Variants in ADGRL2 observed in about 807,000 individuals in gnomAD.
ADGRL2 encodes the protein calcium-independent alpha-latrotoxin receptor 2.
ADGRL2 carries 44 observed loss-of-function variants against 157.4 expected under a neutral mutation model. That is an observed-to-expected ratio of 0.28 (90% CI 0.22 to 0.36). The LOEUF is 0.36. Ranked by LOEUF, ADGRL2 falls within the 10% of genes least tolerant of loss-of-function variation. The probability of loss-of-function intolerance (pLI) is 1.00; values close to 1 mark genes in which losing one functional copy is unlikely to be tolerated. For synonymous variants in ADGRL2, 585 were observed against 624.7 expected (o/e 0.94, Z 0.95); for missense variants, 1,510 against 1,768.9 (o/e 0.85, Z 2.63).
intron 9 of ADGRL2, 115 bp from the exon 10 acceptor site, chr1:81,952,872 C>T: frequency 1.3e-6 from 1 of 756,682 alleles, no homozygotes. Flanking sequence ...CAGAGGACTA[C>T]TGCATATAAA....
intron 1 of ADGRL2, among the ~76,000 whole-genome samples, chr1:81,802,764 T>A (rs2088454569): frequency 6.6e-6 from 1 of 152,030 alleles, no homozygotes; most frequent in Non-Finnish European, 1.5e-5. Flanking sequence ...GCTGAGCGGC[T>A]GGAGCGAGTT....
At chr1:81,937,909 T>C (rs1416415800) in intron 4 of ADGRL2, among the ~76,000 whole-genome samples, 1 of 151,876 alleles carries the variant, frequency 6.6e-6, no homozygotes, top group African/African-American at 2.4e-5. Context: ...CTGTGTCCGA[T>C]ATGGTAGTAA....
At chr1:81,973,982 A>G (rs1458858702) in intron 17 of ADGRL2, among the ~76,000 whole-genome samples, 1 of 152,200 alleles carries the variant, frequency 6.6e-6, no homozygotes, top group Non-Finnish European at 1.5e-5. Flanking sequence ...TAAGACATGT[A>G]AACTCAATTC....
intron 1 of ADGRL2, chr1:81,427,474 T>A: frequency 1.3e-6 from 1 of 754,444 alleles, no homozygotes; most frequent in Middle Eastern, 3.6e-4. Context: ...CTATAATGAT[T>A]TTGGAAATTA....
chr1:81,822,684 T>C (rs1353837874), intron 1 of ADGRL2, among the ~76,000 whole-genome samples: 2 of 152,056 alleles, frequency 1.3e-5, no homozygotes, highest in African/African-American at 2.4e-5. Flanking sequence ...TGTAACACAG[T>C]TTTTATTTAA....
intron 11 of ADGRL2, among the ~76,000 whole-genome samples, chr1:81,961,075 A>G (rs1217370442): frequency 2.6e-5 from 4 of 152,180 alleles, no homozygotes; most frequent in Non-Finnish European, 5.9e-5. Flanking sequence ...CTACTTGCTG[A>G]GGAATTTGCA....
intron 1 of ADGRL2, among the ~76,000 whole-genome samples, chr1:81,364,511 T>A (rs1487379076): frequency 9.4e-6 from 1 of 106,166 alleles, no homozygotes; most frequent in African/African-American, 2.7e-5. Flanking sequence ...GTAAAAACAG[T>A]TCTTTTGAAT....
At chr1:81,424,926 A>G (rs906258492) in intron 1 of ADGRL2, among the ~76,000 whole-genome samples, 2 of 152,214 alleles carry the variant, frequency 1.3e-5, no homozygotes, top group Non-Finnish European at 2.9e-5. Flanking sequence ...TATTATTTGA[A>G]GACCCGCTAT....
intron 2 of ADGRL2, among the ~76,000 whole-genome samples, chr1:81,541,907 G>A (rs1570442023): frequency 6.6e-6 from 1 of 152,072 alleles, no homozygotes; most frequent in Non-Finnish European, 1.5e-5. Flanking sequence ...GCGGTGAGCC[G>A]AGATCACTCC....
At chr1:81,953,703 G>A (rs1004638055) in intron 10 of ADGRL2, among the ~76,000 whole-genome samples, 1 of 152,268 alleles carries the variant, frequency 6.6e-6, no homozygotes, top group Admixed American at 6.5e-5. Flanking sequence ...TAGTGGTTCT[G>A]TGTGATAGAT....
At chr1:81,953,172 A>G in intron 10 of ADGRL2, 147 bp downstream of exon 10, 1 of 590,292 alleles carries the variant, frequency 1.7e-6, no homozygotes, top group Non-Finnish European at 3.0e-6. Flanking sequence ...GGCTTTTCAC[A>G]GGTATATTAC....
chr1:81,512,719 C>T (rs2148100164), intron 2 of ADGRL2, among the ~76,000 whole-genome samples: 1 of 152,244 alleles, frequency 6.6e-6, no homozygotes, highest in Middle Eastern at 3.4e-3. Flanking sequence ...TCTGTGAGTA[C>T]ATATCAAGGT....
chr1:81,317,671 A>G (rs1660206509), intron 1 of ADGRL2, among the ~76,000 whole-genome samples: 1 of 152,196 alleles, frequency 6.6e-6, no homozygotes, highest in Non-Finnish European at 1.5e-5. Context: ...ATACTATCTC[A>G]GGAATTGAGG....
At chr1:81,600,278 G>A (rs776835400) in intron 3 of ADGRL2, among the ~76,000 whole-genome samples, 6 of 152,160 alleles carry the variant, frequency 3.9e-5, no homozygotes, top group Admixed American at 3.3e-4. Flanking sequence ...AACTAACCCC[G>A]GAGGAACTTT....
intron 2 of ADGRL2, among the ~76,000 whole-genome samples, chr1:81,858,028 C>T (rs566749727): frequency 2.5e-4 from 38 of 151,928 alleles, no homozygotes; most frequent in African/African-American, 8.4e-4. Context: ...TGGTTAGTTG[C>T]GATTAGGGAA....
intron 11 of ADGRL2, among the ~76,000 whole-genome samples, chr1:81,956,508 A>G (rs924585717): frequency 6.6e-6 from 1 of 152,180 alleles, no homozygotes; most frequent in African/African-American, 2.4e-5. Flanking sequence ...AACTGCCTTC[A>G]GGTGAAAATG....
chr1:81,443,452 A>AG (rs1325028387), intron 1 of ADGRL2, among the ~76,000 whole-genome samples: 1 of 151,802 alleles, frequency 6.6e-6, no homozygotes, highest in African/African-American at 2.4e-5. Flanking sequence ...AAAAAAAAAA[A>AG]GTTCACTGAG....
At chr1:81,799,012 C>T (rs939431494), upstream of ADGRL2, among the ~76,000 whole-genome samples, 17 of 152,114 alleles carry the variant, frequency 1.1e-4, no homozygotes, top group African/African-American at 4.1e-4. Context: ...TTGACTTATT[C>T]TCTTTTGCAA....
intron 1 of ADGRL2, among the ~76,000 whole-genome samples, chr1:81,743,574 C>T (rs79294682): frequency 0.07 from 10,612 of 151,908 alleles, 469 homozygotes; most frequent in Non-Finnish European, 0.097. Flanking sequence ...CTACTACTGG[C>T]AAACCTAAGT....
Sources: gnomAD v4.1 joint callset for allele counts (sites outside exome capture counted in the v4.1 genomes callset) on GRCh38, gnomAD v4.1.1 for gene constraint, MANE v1.5 for transcripts, NCBI Gene and HGNC (gene_info 2026-07-23, HGNC 2026-07-21) for gene names.